Variants in RAPGEF4 observed in about 807,000 individuals in gnomAD.
The protein encoded by RAPGEF4 is Rap guanine nucleotide exchange factor 4, also known as RAP guanine-nucleotide-exchange factor (GEF) 4.
Under a neutral mutation model 147.9 loss-of-function variants are expected in RAPGEF4, and 66 were observed. That is an observed-to-expected ratio of 0.45 (90% CI 0.37 to 0.55). The LOEUF (loss-of-function observed/expected upper bound fraction) is 0.55, where lower values mean the gene tolerates loss of function less well. Ranked by LOEUF, RAPGEF4 falls within the 20% of genes least tolerant of loss-of-function variation. The probability of loss-of-function intolerance (pLI) is 0.00; values close to 1 mark genes in which losing one functional copy is unlikely to be tolerated. For synonymous variants in RAPGEF4, 419 were observed against 442.7 expected (o/e 0.95, Z 0.67); for missense variants, 1,071 against 1,257.3 (o/e 0.85, Z 2.24).
chr2:172,928,345 T>C (rs749621460), intron 6 of RAPGEF4: 1 of 356,560 alleles, frequency 2.8e-6, no homozygotes, highest in East Asian at 7.8e-5. Context: ...GCTTCTGAAG[T>C]GGTAAGCTAA....
intron 4 of RAPGEF4, among the ~76,000 whole-genome samples, chr2:172,896,211 A>C (rs1211861511): frequency 1.3e-5 from 2 of 152,224 alleles, no homozygotes; most frequent in African/African-American, 4.8e-5. Context: ...CTTTGATTTG[A>C]AATGTCCTTA....
chr2:172,962,641 A>G (rs1045388708), intron 8 of RAPGEF4, among the ~76,000 whole-genome samples: 1 of 152,082 alleles, frequency 6.6e-6, no homozygotes, highest in African/African-American at 2.4e-5. Flanking sequence ...TTAGAAGACC[A>G]AAATTGACAG....
rs374473725 is a variant in RAPGEF4, at chr2:173,018,642, C to T, written c.2009-14C>T. 2 of 1,601,560 alleles carry T rather than the reference C, an allele frequency of 1.2e-6. No individual in the cohort carries two copies. Among genetic ancestry groups the T allele is most frequent in the African/African-American group, 2.7e-5 (2 of 74,338 alleles). ...TTAAGAGTGATTTACTACCTTGTTA[C>T]TGCCTTTGGATAGTTCTGTTTAAGG... On this transcript the variant is annotated splice_polypyrimidine_tract_variant and intron_variant, in intron 21 of 30. Transcript: ENST00000397081.
intron 4 of RAPGEF4, among the ~76,000 whole-genome samples, chr2:172,882,028 G>T (rs181103717): frequency 6.6e-6 from 1 of 152,266 alleles, no homozygotes. Context: ...AGATGGGAAA[G>T]CATTAAAATA....
At chr2:173,013,674 CTTG>C (rs1424534145) in intron 17 of RAPGEF4, among the ~76,000 whole-genome samples, 1 of 152,106 alleles carries the variant, frequency 6.6e-6, no homozygotes, top group East Asian at 1.9e-4. Flanking sequence ...TCAATCAGTA[CTTG>C]TTGCATTAAT....
chr2:172,977,569 C>T (rs1691206815), intron 10 of RAPGEF4, among the ~76,000 whole-genome samples: 1 of 152,010 alleles, frequency 6.6e-6, no homozygotes, highest in Non-Finnish European at 1.5e-5. Context: ...TTACTGCTGC[C>T]ACGAACACTG....
rs543409046 is a variant in RAPGEF4, at chr2:172,931,343, C to T, written c.537+9043C>T. On this transcript the variant is annotated intron_variant, in intron 6 of 30. Transcript: ENST00000397081. ...AGTCCCAGGATATTTTTCTAGCTTG[C>T]GGGGAGCTCTCTGAGGCAGGCCTGT... is the stretch of plus-strand genomic sequence containing the variant. Among the ~76,000 whole-genome samples the T allele has an allele frequency of 5.3e-5, 8 of 152,158 alleles. No homozygotes were observed. The East Asian group carries it at 1.5e-3, about 29-fold the overall frequency.
At chr2:172,949,783 G>T (rs1688027856) in intron 6 of RAPGEF4, among the ~76,000 whole-genome samples, 1 of 152,164 alleles carries the variant, frequency 6.6e-6, no homozygotes, top group Non-Finnish European at 1.5e-5. Flanking sequence ...GAAATAAACT[G>T]ATGTTTGCAC....
At chr2:172,829,426 C>T (rs1425893501) in intron 4 of RAPGEF4, among the ~76,000 whole-genome samples, 2 of 152,192 alleles carry the variant, frequency 1.3e-5, no homozygotes, top group African/African-American at 4.8e-5. Context: ...TGAGCTCATC[C>T]ATGTGAGGCA....
At chr2:172,774,199 A>G (rs764843433) in intron 1 of RAPGEF4, among the ~76,000 whole-genome samples, 1 of 152,228 alleles carries the variant, frequency 6.6e-6, no homozygotes, top group Non-Finnish European at 1.5e-5. Flanking sequence ...GCTCTGTCCT[A>G]ATTACTTTCC....
At chr2:172,968,199 C>G (rs1690063524) in intron 10 of RAPGEF4, among the ~76,000 whole-genome samples, 1 of 152,172 alleles carries the variant, frequency 6.6e-6, no homozygotes, top group Non-Finnish European at 1.5e-5. Context: ...GTGACTTGGC[C>G]CTTGCATCCG....
intron 4 of RAPGEF4, among the ~76,000 whole-genome samples, chr2:172,842,172 C>A (rs1691687432): frequency 1.3e-5 from 2 of 152,050 alleles, no homozygotes; most frequent in South Asian, 4.1e-4. Flanking sequence ...GATTTTGGTT[C>A]AATTTGGAGG....
chr2:172,743,741 A>G (rs1574662057), intron 1 of RAPGEF4, among the ~76,000 whole-genome samples: 1 of 152,002 alleles, frequency 6.6e-6, no homozygotes, highest in Non-Finnish European at 1.5e-5. Context: ...TTACCCGTGT[A>G]TTTGATTTCC....
At chr2:172,819,461 C>CTTTTTTTTGTTTTTTTTT (rs1688833692) in intron 4 of RAPGEF4, among the ~76,000 whole-genome samples, 1 of 87,012 alleles carries the variant, frequency 1.1e-5, no homozygotes, top group African/African-American at 4.6e-5. Context: ...ATTTTTAGTT[C>CTTTTTTTTGTTTTTTTTT]TTTTTTTTTT....
At chr2:173,025,193 G>A (rs1214450149) in intron 23 of RAPGEF4, among the ~76,000 whole-genome samples, 1 of 152,206 alleles carries the variant, frequency 6.6e-6, no homozygotes, top group Non-Finnish European at 1.5e-5. Flanking sequence ...TCTGTGGAGT[G>A]CTGTATGGGC....
At chr2:172,925,764 GAAGA>G (rs769607461) in intron 6 of RAPGEF4, among the ~76,000 whole-genome samples, 7,939 of 89,432 alleles carry the variant, frequency 0.089, 303 homozygotes, top group Admixed American at 0.16. Context: ...AGAGAGAAAG[GAAGA>G]AAGAAAGAAA....
At chr2:172,950,351 A>G (rs952812457) in intron 6 of RAPGEF4, among the ~76,000 whole-genome samples, 11 of 152,210 alleles carry the variant, frequency 7.2e-5, no homozygotes, top group African/African-American at 2.2e-4. Flanking sequence ...TTCTGCCTCA[A>G]GTAGTTAGAA....
At chr2:173,043,108 GA>G (rs779328227) in intron 29 of RAPGEF4, among the ~76,000 whole-genome samples, 1 of 149,916 alleles carries the variant, frequency 6.7e-6, no homozygotes, top group African/African-American at 2.5e-5. Context: ...TGGATCTTGT[GA>G]AAAAAAAAAT....
intron 1 of RAPGEF4, among the ~76,000 whole-genome samples, chr2:172,773,030 T>G (rs186161718): frequency 3.5e-4 from 54 of 152,356 alleles, no homozygotes; most frequent in African/African-American, 1.2e-3. Context: ...TTATTCTCTT[T>G]CATTAACTAA....
Sources: gnomAD v4.1 joint callset for allele counts (sites outside exome capture counted in the v4.1 genomes callset) on GRCh38, gnomAD v4.1.1 for gene constraint, MANE v1.5 for transcripts, NCBI Gene and HGNC (gene_info 2026-07-23, HGNC 2026-07-21) for gene names.